The following ATP6V0A4 variants were observed in gnomAD, a reference collection of about 807,000 sequenced individuals.
ATP6V0A4 encodes the protein V-type proton ATPase 116 kDa subunit a 4.
ATP6V0A4 carries 86 observed loss-of-function variants against 107.3 expected under a neutral mutation model. The observed-to-expected ratio is 0.80, with a 90% CI of 0.67 to 0.96. The LOEUF (loss-of-function observed/expected upper bound fraction) is 0.96, where lower values mean the gene tolerates loss of function less well. Among genes scored for constraint, ATP6V0A4 ranks in the 40% least tolerant of loss-of-function variants. The probability of loss-of-function intolerance (pLI) is 0.00; values close to 1 mark genes in which losing one functional copy is unlikely to be tolerated. For synonymous variants in ATP6V0A4, 353 were observed against 381.4 expected, an observed-to-expected ratio of 0.93 and a Z score of 0.87; for missense variants, 908 against 1,045.6, an observed-to-expected ratio of 0.87 and a Z score of 1.81.
intron 19 of ATP6V0A4, among the ~76,000 whole-genome samples, chr7:138,718,362 G>A (rs553212602): frequency 3.2e-5 from 4 of 125,176 alleles, no homozygotes; most frequent in Admixed American, 1.7e-4. Flanking sequence ...AGGAAGGAAG[G>A]GGGGAATGCA....
intron 20 of ATP6V0A4, among the ~76,000 whole-genome samples, chr7:138,712,290 T>C (rs1423626849): frequency 6.6e-6 from 1 of 152,170 alleles, no homozygotes; most frequent in Non-Finnish European, 1.5e-5. Flanking sequence ...GGTCCTGATG[T>C]TGGTCTTCAG....
intron 15 of ATP6V0A4, among the ~76,000 whole-genome samples, chr7:138,735,636 A>T (rs997211679): frequency 6.6e-6 from 1 of 152,000 alleles, no homozygotes; most frequent in Non-Finnish European, 1.5e-5. Flanking sequence ...AGGTGCCCAG[A>T]CCCCAGAGAT....
At chr7:138,747,823 T>C (rs573410905) in intron 12 of ATP6V0A4, 1 of 452,738 alleles carries the variant, frequency 2.2e-6, no homozygotes, top group South Asian at 2.2e-5. Context: ...GGCACAATCA[T>C]GGCTCACTGC....
intron 14 of ATP6V0A4, among the ~76,000 whole-genome samples, chr7:138,744,710 T>A (rs959419366): frequency 8.2e-5 from 2 of 24,514 alleles, no homozygotes; most frequent in African/African-American, 1.6e-4. Context: ...TTTCTTTTTC[T>A]TTTTTTTTTG....
intron 8 of ATP6V0A4, among the ~76,000 whole-genome samples, chr7:138,757,366 A>G (rs1806563494): frequency 6.6e-6 from 1 of 152,134 alleles, no homozygotes; most frequent in Non-Finnish European, 1.5e-5. Flanking sequence ...AAATACAAGA[A>G]TTAGCTGAGT....
chr7:138,770,611 A>T (rs2117336483), intron 3 of ATP6V0A4, among the ~76,000 whole-genome samples: 1 of 152,260 alleles, frequency 6.6e-6, no homozygotes, highest in Non-Finnish European at 1.5e-5. Context: ...TAGACTACGA[A>T]CTTGGTGAGG....
Position 138,739,550 on chromosome 7 carries a change from C to A in ATP6V0A4, c.1562G>T (p.Gly521Val). The A allele has an allele frequency of 6.2e-7, 1 of 1,614,088 alleles. No homozygotes were observed. The highest frequency in any genetic ancestry group is 8.5e-7 in the Non-Finnish European group (1 of 1,180,022). The part of the protein sequence containing the change: ...GVYFGNPYPF[G>V]IDPIWNLASN... The stretch of plus-strand genomic sequence containing the variant: ...AGAAGACATTATTACCGGATCAATC[C>A]CAAACGGGTATGGATTTCCAAAATA... Residue 521 changes from glycine to valine, a missense_variant, in exon 15 of 22, where the codon GGG (glycine) becomes GTG (valine). Physicochemically the swap from Gly to Val is moderately radical, Grantham distance 109. Transcript: ENST00000310018.
At chr7:138,760,723 A>T (rs1437665066) in intron 7 of ATP6V0A4, among the ~76,000 whole-genome samples, 1 of 152,154 alleles carries the variant, frequency 6.6e-6, no homozygotes, top group Non-Finnish European at 1.5e-5. Flanking sequence ...TATTTCCAAT[A>T]AATATTTTTA....
intron 2 of ATP6V0A4, among the ~76,000 whole-genome samples, chr7:138,779,786 T>G (rs1458929297): frequency 6.6e-6 from 1 of 152,110 alleles, no homozygotes; most frequent in African/African-American, 2.4e-5. Flanking sequence ...TGATATAAAA[T>G]CAATACATTT....
intron 7 of ATP6V0A4, among the ~76,000 whole-genome samples, chr7:138,760,581 C>CTA (rs1380889010): frequency 6.6e-6 from 1 of 151,826 alleles, no homozygotes; most frequent in Non-Finnish European, 1.5e-5. Context: ...ACATTGATGT[C>CTA]TATATATATC....
chr7:138,779,605 A>G (rs1214013557), intron 2 of ATP6V0A4, among the ~76,000 whole-genome samples: 1 of 152,140 alleles, frequency 6.6e-6, no homozygotes, highest in African/African-American at 2.4e-5. Flanking sequence ...ACCACACTTA[A>G]TCTCCAAATA....
intron 11 of ATP6V0A4, among the ~76,000 whole-genome samples, chr7:138,751,264 C>T (rs565039719): frequency 1.3e-5 from 2 of 152,308 alleles, no homozygotes; most frequent in African/African-American, 4.8e-5. Context: ...TGCCTCCCAC[C>T]GGCCCTGCTG....
rs147717861 is a variant in ATP6V0A4, at chr7:138,777,098, G to A, written c.-17-5834C>T. Among the ~76,000 whole-genome samples, 283 of 151,170 alleles carry A rather than the reference G, an allele frequency of 1.9e-3. 1 individual carries two copies. Among genetic ancestry groups the A allele is most frequent in the African/African-American group, 6.7e-3 (275 of 41,208 alleles). The stretch of plus-strand genomic sequence containing the variant: ...CGGGAAGTGGAGGTTGCAGTGAGCC[G>A]AGATCGCACCACAGCACTCCAGCCT... On this transcript the variant is annotated intron_variant, in intron 2 of 21. Coordinates refer to ENST00000310018, the MANE Select transcript of ATP6V0A4 (RefSeq NM_020632.3).
chr7:138,748,350 AACAATCACC>A (rs1806061442), intron 12 of ATP6V0A4, among the ~76,000 whole-genome samples: 2 of 152,124 alleles, frequency 1.3e-5, no homozygotes, highest in Admixed American at 6.6e-5. Context: ...GCTGGAGAAG[AACAATCACC>A]ATGCACTCCT....
At chr7:138,795,274 C>G (rs1264535777) in intron 1 of ATP6V0A4, among the ~76,000 whole-genome samples, 1 of 152,122 alleles carries the variant, frequency 6.6e-6, no homozygotes, top group Non-Finnish European at 1.5e-5. Context: ...ACAAACAGCT[C>G]ATCTAAAACA....
At chr7:138,792,744 T>A (rs1808471855) in intron 1 of ATP6V0A4, among the ~76,000 whole-genome samples, 1 of 150,140 alleles carries the variant, frequency 6.7e-6, no homozygotes, top group South Asian at 2.1e-4. Context: ...GACCACAGGC[T>A]TGCATCACCA....
At chr7:138,759,721 A>C in intron 8 of ATP6V0A4, 31 bp downstream of exon 8, 1 of 1,613,336 alleles carries the variant, frequency 6.2e-7, no homozygotes, top group Middle Eastern at 1.7e-4. Context: ...GGGAAGTCTC[A>C]GAGAAAGTTT....
chr7:138,723,523 C>CTTTTT (rs10528520), intron 18 of ATP6V0A4, among the ~76,000 whole-genome samples: 155 of 128,182 alleles, frequency 1.2e-3, no homozygotes, highest in East Asian at 1.9e-3. Flanking sequence ...TCTTTCTTTT[C>CTTTTT]TTTTTTTTTT....
intron 1 of ATP6V0A4, among the ~76,000 whole-genome samples, chr7:138,789,577 C>A (rs1808313731): frequency 1.3e-5 from 2 of 151,588 alleles, no homozygotes; most frequent in Admixed American, 1.3e-4. Flanking sequence ...AAAGAAGATT[C>A]CCTGATATTG....
Sources: allele counts gnomAD v4.1 joint callset (sites outside exome capture counted in the v4.1 genomes callset), GRCh38; gene constraint gnomAD v4.1.1; transcripts MANE v1.5; gene names NCBI Gene and HGNC (gene_info 2026-07-23, HGNC 2026-07-21).